ODF2: variants seen among roughly 807,000 people sequenced by gnomAD.
The protein encoded by ODF2 is outer dense fiber protein 2.
In ODF2, 47 loss-of-function variants were observed where a neutral mutation model predicts 110.2. The observed-to-expected ratio is 0.43, with a 90% CI of 0.34 to 0.54. The LOEUF is 0.54. Among genes scored for constraint, ODF2 ranks in the 20% least tolerant of loss-of-function variants. The pLI, the probability that ODF2 is intolerant of heterozygous loss-of-function variation, is 0.03. For synonymous variants in ODF2, 352 were observed against 397.7 expected, an observed-to-expected ratio of 0.89 and a Z score of 1.37; for missense variants, 812 against 1,054.5, an observed-to-expected ratio of 0.77 and a Z score of 3.19.
At chr9:128,471,683 G>C (rs977821204) in intron 6 of ODF2, among the ~76,000 whole-genome samples, 1 of 152,076 alleles carries the variant, frequency 6.6e-6, no homozygotes, top group Non-Finnish European at 1.5e-5. Flanking sequence ...CGTGGATTGT[G>C]GTGTGGGACT....
intron 19 of ODF2, among the ~76,000 whole-genome samples, 158 bp from the exon 20 acceptor site, chr9:128,498,842 TC>T (rs1196271068): frequency 6.6e-6 from 1 of 152,174 alleles, no homozygotes; most frequent in African/African-American, 2.4e-5. Context: ...GCAGGCATAG[TC>T]CCCATAGTTA....
intron 4 of ODF2, among the ~76,000 whole-genome samples, chr9:128,467,460 C>T (rs1229044033): frequency 6.6e-6 from 1 of 151,852 alleles, no homozygotes; most frequent in Non-Finnish European, 1.5e-5. Context: ...AAGTAATATA[C>T]ATACCTGGAT....
rs377299196 is a variant in ODF2 at position 128,492,098 on chromosome 9, C to T, written c.1537-328C>T. ...GCCAGGATGGTCTTGATCTCCTAAC[C>T]TTGTGATCCGCCCACCTCGGCCTCC... is the stretch of plus-strand genomic sequence containing the variant. On this transcript the variant is annotated intron_variant, in intron 14 of 20. Coordinates refer to ENST00000604420, the Ensembl canonical transcript of ODF2. Among the ~76,000 whole-genome samples, 180 of 152,232 alleles carry T rather than the reference C, an allele frequency of 1.2e-3. 6 individuals are homozygous for T. The East Asian group carries it at 0.027, about 23-fold the overall frequency.
chr9:128,487,540 C>A (rs1486633950), intron 13 of ODF2, among the ~76,000 whole-genome samples: 5 of 152,132 alleles, frequency 3.3e-5, no homozygotes, highest in Admixed American at 3.3e-4. Context: ...GTAATCCCAG[C>A]ATTTTGGGAG....
intron 3 of ODF2, chr9:128,460,642 G>T (rs564746923): frequency 1.2e-6 from 2 of 1,614,086 alleles, no homozygotes; most frequent in South Asian, 2.2e-5. Flanking sequence ...AAAAACTCCC[G>T]AAACCATCAG....
At chr9:128,482,369 C>A (rs193200671) in intron 9 of ODF2, among the ~76,000 whole-genome samples, 4 of 152,296 alleles carry the variant, frequency 2.6e-5, no homozygotes, top group Admixed American at 2.6e-4. Flanking sequence ...TGATATACAT[C>A]AGTAACTTGA....
chr9:128,455,925 G>C (rs1834660584), upstream of ODF2: 1 of 1,389,254 alleles, frequency 7.2e-7, no homozygotes, highest in Non-Finnish European at 9.3e-7. Flanking sequence ...TGAATGGGGG[G>C]CGAGACCCGG....
In ODF2 at chr9:128,469,302, T is replaced by C. The variant is rs1486076017; in HGVS notation, c.369T>C (p.Tyr123=). 3.7e-6 allele frequency: 6 copies of C among 1,614,024 alleles called. No individual in the cohort carries two copies. In the South Asian group the frequency reaches 4.4e-5, roughly 12 times the overall value. Residue 123 remains tyrosine, a synonymous_variant, in exon 5 of 21, where the codon TAT becomes TAC. Transcript: ENST00000604420. Reference sequence around the variant, plus strand: ...CAGGTCACTGTAAAATGAACCGTTATGATAAGAAGATTGATAGTCTAATGA... The same window carrying C: ...CAGGTCACTGTAAAATGAACCGTTACGATAAGAAGATTGATAGTCTAATGA...
intron 4 of ODF2, among the ~76,000 whole-genome samples, chr9:128,462,042 T>C (rs1836599910): frequency 6.6e-6 from 1 of 152,170 alleles, no homozygotes; most frequent in African/African-American, 2.4e-5. Context: ...AAAGCCACAG[T>C]ATATTTTTTT....
At chr9:128,465,087 A>G (rs7867020) in intron 4 of ODF2, among the ~76,000 whole-genome samples, 150,492 of 152,288 alleles carry the variant, frequency 0.99, 74,383 homozygotes, top group Middle Eastern at 1. Context: ...ATCCCCTCTG[A>G]AAAGCATAAT....
intron 14 of ODF2, among the ~76,000 whole-genome samples, chr9:128,491,408 A>G (rs1844515184): frequency 1.3e-5 from 2 of 150,690 alleles, no homozygotes; most frequent in South Asian, 4.4e-4. Context: ...CTATAATCCC[A>G]GCACTTTGGG....
chr9:128,476,322 C>T (rs1841249242), intron 8 of ODF2, among the ~76,000 whole-genome samples: 1 of 152,182 alleles, frequency 6.6e-6, no homozygotes, highest in South Asian at 2.1e-4. Flanking sequence ...CCGAGTTTCA[C>T]TCTTGCCCAG....
intron 17 of ODF2, among the ~76,000 whole-genome samples, chr9:128,495,600 A>G (rs985177372): frequency 6.6e-6 from 1 of 152,230 alleles, no homozygotes; most frequent in Non-Finnish European, 1.5e-5. Flanking sequence ...ACTCAAAAGG[A>G]TTGACAGATT....
exon 8 of ODF2, chr9:128,473,717 C>G: frequency 2.5e-6 from 4 of 1,613,664 alleles, no homozygotes; most frequent in Non-Finnish European, 3.4e-6. Flanking sequence ...TCCGAGACCT[C>G]CTGAGGGAAC....
chr9:128,459,781 C>A, intron 3 of ODF2, 124 bp downstream of exon 2: 1 of 668,112 alleles, frequency 1.5e-6, no homozygotes, highest in Non-Finnish European at 2.6e-6. Flanking sequence ...CTGCTAGGTG[C>A]TGTTATACAT....
At position 128,494,181 on chromosome 9, in the gene ODF2, A is replaced by G. The variant is rs1845178644; in HGVS notation, c.1753-329A>G. ...TGACTTAGCTCTCTTGATGCTTACT[A>G]TACTTGTATGGGGACAGCATCACCT... On this transcript the variant is annotated intron_variant, in intron 16 of 20. Coordinates refer to ENST00000604420, the Ensembl canonical transcript of ODF2. The surrounding 1 kb of genome is among the most constrained non-coding windows in gnomAD (Gnocchi z 4.6). Among the ~76,000 whole-genome samples the G allele has an allele frequency of 6.6e-6, 1 of 152,092 alleles. No homozygotes were observed. The highest frequency in any genetic ancestry group is 1.5e-5 in the Non-Finnish European group (1 of 67,948).
chr9:128,462,070 G>A (rs1398271855), intron 4 of ODF2, among the ~76,000 whole-genome samples: 1 of 151,512 alleles, frequency 6.6e-6, no homozygotes. Context: ...AAAACAATGA[G>A]CTTTTTTCTT....
chr9:128,460,388 TC>T, intron 3 of ODF2, 161 bp from the exon 3 acceptor site: 1 of 1,424,240 alleles, frequency 7.0e-7, no homozygotes, highest in Non-Finnish European at 9.3e-7. Flanking sequence ...TGAATGATAC[TC>T]CCGCCTTACT....
intron 4 of ODF2, 126 bp from the exon 5 acceptor site, chr9:128,469,057 T>A (rs867903486): frequency 3.8e-6 from 3 of 794,894 alleles, no homozygotes; most frequent in Middle Eastern, 3.8e-4. Flanking sequence ...AGTATGTTCT[T>A]CCTGGGGTCC....
Sources: allele counts gnomAD v4.1 joint callset (sites outside exome capture counted in the v4.1 genomes callset), GRCh38; gene constraint gnomAD v4.1.1; non-coding constraint Gnocchi (gnomAD v3.1); transcripts MANE v1.5; gene names NCBI Gene and HGNC (gene_info 2026-07-23, HGNC 2026-07-21).